Variants in SEZ6L observed in about 807,000 individuals in gnomAD.
SEZ6L encodes the protein seizure 6-like protein.
A neutral mutation model predicts 106.2 loss-of-function variants in SEZ6L; 37 were observed. The observed-to-expected ratio is 0.35, with a 90% CI of 0.27 to 0.46. The LOEUF (loss-of-function observed/expected upper bound fraction) is 0.46. SEZ6L is among the 20% of genes least tolerant of loss of function. The pLI, the probability that SEZ6L is intolerant of heterozygous loss-of-function variation, is 1.00. For synonymous variants in SEZ6L, 541 were observed against 570.4 expected (o/e 0.95, Z 0.73); for missense variants, 1,172 against 1,332.8 (o/e 0.88, Z 1.88).
intron 1 of SEZ6L, among the ~76,000 whole-genome samples, chr22:26,277,561 G>C (rs955599300): frequency 3.3e-5 from 5 of 152,198 alleles, no homozygotes; most frequent in African/African-American, 1.2e-4. Context: ...TTCTTTGCTT[G>C]TAAGTCAAAG....
intron 1 of SEZ6L, among the ~76,000 whole-genome samples, chr22:26,254,837 G>A (rs943324642): frequency 3.3e-5 from 5 of 152,118 alleles, no homozygotes; most frequent in African/African-American, 1.2e-4. Context: ...CTAAGATAGT[G>A]GACAGCTGCC....
intron 1 of SEZ6L, among the ~76,000 whole-genome samples, chr22:26,240,747 C>T (rs986994670): frequency 1.6e-4 from 24 of 152,084 alleles, no homozygotes; most frequent in African/African-American, 5.6e-4. Context: ...AATCCTTGCC[C>T]TCGTGGAGCT....
intron 5 of SEZ6L, among the ~76,000 whole-genome samples, chr22:26,305,259 A>G (rs2081595764): frequency 1.3e-5 from 2 of 152,220 alleles, no homozygotes; most frequent in Non-Finnish European, 2.9e-5. Flanking sequence ...CAAGATAGCC[A>G]TGAATATCCT....
intron 6 of SEZ6L, among the ~76,000 whole-genome samples, chr22:26,310,415 A>G (rs2081781794): frequency 6.6e-6 from 1 of 152,202 alleles, no homozygotes; most frequent in African/African-American, 2.4e-5. Flanking sequence ...ACACACCTGT[A>G]ATCTCAGCTA....
At chr22:26,351,297 C>A (rs1030770112) in intron 12 of SEZ6L, 54 bp downstream of exon 12, 1 of 1,542,680 alleles carries the variant, frequency 6.5e-7, no homozygotes, top group Non-Finnish European at 8.9e-7. Flanking sequence ...GATTCACTTT[C>A]TCTTGTTCAT....
intron 1 of SEZ6L, among the ~76,000 whole-genome samples, chr22:26,225,661 C>A (rs1481426539): frequency 6.6e-6 from 1 of 152,052 alleles, no homozygotes; most frequent in Admixed American, 6.5e-5. Flanking sequence ...TGTTGCCATC[C>A]CAAGTGGTAA....
intron 1 of SEZ6L, among the ~76,000 whole-genome samples, chr22:26,264,990 C>T (rs1487241025): frequency 6.6e-6 from 1 of 152,120 alleles, no homozygotes; most frequent in African/African-American, 2.4e-5. Flanking sequence ...GGCTACGGTG[C>T]ATTCATATTG....
At chr22:26,305,012 C>T (rs1002524741) in intron 5 of SEZ6L, among the ~76,000 whole-genome samples, 5 of 152,154 alleles carry the variant, frequency 3.3e-5, no homozygotes, top group East Asian at 3.8e-4. Context: ...ATTGCTTCTC[C>T]GCTACAAACC....
At chr22:26,279,183 C>T (rs531115867) in intron 1 of SEZ6L, among the ~76,000 whole-genome samples, 1 of 152,290 alleles carries the variant, frequency 6.6e-6, no homozygotes, top group African/African-American at 2.4e-5. Flanking sequence ...TCACCTTAGG[C>T]AAGTTTTTTG....
At chr22:26,187,637 T>G (rs1481404831) in intron 1 of SEZ6L, among the ~76,000 whole-genome samples, 1 of 152,126 alleles carries the variant, frequency 6.6e-6, no homozygotes, top group Non-Finnish European at 1.5e-5. Context: ...GTGTCTAGAA[T>G]ACAGAAAAAG....
chr22:26,339,303 G>C (rs2082749247), intron 9 of SEZ6L, among the ~76,000 whole-genome samples: 1 of 152,176 alleles, frequency 6.6e-6, no homozygotes, highest in Non-Finnish European at 1.5e-5. Context: ...AAAGACATGA[G>C]AGAGAAAGAA....
At chr22:26,343,279 C>G (rs539229383) in intron 10 of SEZ6L, among the ~76,000 whole-genome samples, 2 of 150,076 alleles carry the variant, frequency 1.3e-5, no homozygotes, top group South Asian at 4.2e-4. Flanking sequence ...TTTATCTCCC[C>G]TAGCGCCCAA....
At chr22:26,214,457 T>C (rs1009105037) in intron 1 of SEZ6L, among the ~76,000 whole-genome samples, 5 of 152,188 alleles carry the variant, frequency 3.3e-5, no homozygotes, top group Non-Finnish European at 1.5e-5. Context: ...TGCAGGAACA[T>C]GGATTAAAGG....
At chr22:26,368,333 C>T (rs1357110934) in intron 13 of SEZ6L, among the ~76,000 whole-genome samples, 1 of 152,082 alleles carries the variant, frequency 6.6e-6, no homozygotes, top group Non-Finnish European at 1.5e-5. Context: ...ACAATAGCCA[C>T]GAGATGGAAA....
intron 1 of SEZ6L, among the ~76,000 whole-genome samples, chr22:26,249,115 CAAATCAGG>C (rs1409509225): frequency 1.3e-5 from 2 of 152,112 alleles, no homozygotes; most frequent in Non-Finnish European, 2.9e-5. Context: ...CACAAATGAT[CAAATCAGG>C]ATAATCAGCA....
chr22:26,294,566 C>A, intron 3 of SEZ6L, 141 bp downstream of exon 3: 3 of 737,414 alleles, frequency 4.1e-6, no homozygotes, highest in Non-Finnish European at 6.6e-6. Context: ...TGGGTTTTGG[C>A]GAATGAGTAG....
chr22:26,250,312 G>A (rs2079529165), intron 1 of SEZ6L, among the ~76,000 whole-genome samples: 1 of 152,016 alleles, frequency 6.6e-6, no homozygotes, highest in East Asian at 1.9e-4. Context: ...TTACATTTAA[G>A]TCTTTATCAT....
At chr22:26,272,843 T>G (rs1417266324) in intron 1 of SEZ6L, among the ~76,000 whole-genome samples, 1 of 152,194 alleles carries the variant, frequency 6.6e-6, no homozygotes. Context: ...CAGACAGACC[T>G]GGGTTTGAAT....
chr22:26,264,019 G>A (rs1175790267), intron 1 of SEZ6L, among the ~76,000 whole-genome samples: 1 of 152,192 alleles, frequency 6.6e-6, no homozygotes, highest in Non-Finnish European at 1.5e-5. Flanking sequence ...TACCTCACGT[G>A]TGAAACCCCC....
Sources: allele counts gnomAD v4.1 joint callset (sites outside exome capture counted in the v4.1 genomes callset), GRCh38; gene constraint gnomAD v4.1.1; transcripts MANE v1.5; gene names NCBI Gene and HGNC (gene_info 2026-07-23, HGNC 2026-07-21).